PSMD5: variants seen among roughly 807,000 people sequenced by gnomAD.
PSMD5 encodes the protein proteasome 26S subunit, non-ATPase 5, also known as 26S proteasome non-ATPase regulatory subunit 5.
In PSMD5, 40 loss-of-function variants were observed where a neutral mutation model predicts 52.1. The ratio of observed to expected loss-of-function variants is 0.77; its 90% CI spans 0.60 to 1.00. PSMD5 has a LOEUF of 1.00. PSMD5 is among the 50% of genes least tolerant of loss of function. PSMD5 has a pLI of 0.00. For missense variants in PSMD5, 575 were observed against 605.2 expected (o/e 0.95, Z 0.52); for synonymous variants, 211 against 226.6 (o/e 0.93, Z 0.62).
At chr9:120,838,393 CTT>C (rs962777413) in intron 1 of PSMD5, among the ~76,000 whole-genome samples, 4 of 152,168 alleles carry the variant, frequency 2.6e-5, no homozygotes, top group Non-Finnish European at 5.9e-5. Flanking sequence ...TAAAATTAGT[CTT>C]GTTTGATTTT....
chr9:120,819,631 G>A (rs563861622), intron 9 of PSMD5, among the ~76,000 whole-genome samples: 248 of 152,266 alleles, frequency 1.6e-3, no homozygotes, highest in African/African-American at 5.8e-3. Flanking sequence ...TCAGGAGATC[G>A]AGACCATCCT....
chr9:120,819,621 T>A (rs1037728748), intron 9 of PSMD5, among the ~76,000 whole-genome samples: 2 of 152,120 alleles, frequency 1.3e-5, no homozygotes, highest in Admixed American at 1.3e-4. Context: ...GATCACAAGG[T>A]CAGGAGATCG....
intron 4 of PSMD5, among the ~76,000 whole-genome samples, chr9:120,830,900 T>TAC (rs1387017101): frequency 2.0e-5 from 3 of 151,662 alleles, no homozygotes; most frequent in Admixed American, 1.3e-4. Context: ...TATATATATA[T>TAC]ATAAAAAGGG....
intron 4 of PSMD5, among the ~76,000 whole-genome samples, chr9:120,831,076 G>T (rs1018951152): frequency 6.6e-6 from 1 of 152,104 alleles, no homozygotes; most frequent in Non-Finnish European, 1.5e-5. Flanking sequence ...TAGAGATGGG[G>T]TCTCACTATG....
intron 4 of PSMD5, among the ~76,000 whole-genome samples, chr9:120,830,112 G>A (rs566700993): frequency 6.6e-6 from 1 of 152,136 alleles, no homozygotes; most frequent in Non-Finnish European, 1.5e-5. Context: ...AAATGCAGGG[G>A]TTTAAATAAA....
chr9:120,842,468 T>C, intron 1 of PSMD5: 1 of 529,094 alleles, frequency 1.9e-6, no homozygotes, highest in South Asian at 2.3e-5. Flanking sequence ...CTTTCCTCCT[T>C]TAATTTCTAT....
Position 120,840,447 on chromosome 9 carries a change from T to C in PSMD5, c.173+2290A>G, listed in dbSNP as rs976849769. On this transcript the variant is annotated intron_variant, in intron 1 of 9. Coordinates refer to ENST00000210313, the MANE Select transcript of PSMD5 (RefSeq NM_005047.4). ...CAAAGTGTTTTTATTATTATTATTA[T>C]ATTATTATTATTATCTTGAGATGGA... Among the ~76,000 whole-genome samples the C allele has an allele frequency of 1.1e-4, 16 of 148,828 alleles. 1 individual carries two copies. The South Asian group carries it at 2.3e-3, about 22-fold the overall frequency.
At chr9:120,834,528 G>T (rs778145784) in intron 1 of PSMD5, among the ~76,000 whole-genome samples, 4 of 152,126 alleles carry the variant, frequency 2.6e-5, no homozygotes, top group South Asian at 2.1e-4. Flanking sequence ...AGGCAGAGAG[G>T]AATAAGACAT....
At chr9:120,821,027 G>T in intron 8 of PSMD5, 48 bp from the exon 9 acceptor site, 1 of 1,523,008 alleles carries the variant, frequency 6.6e-7, no homozygotes, top group Non-Finnish European at 8.8e-7. Flanking sequence ...CTGATCTGGA[G>T]AAAAGCACTT....
At chr9:120,837,084 T>C (rs1418615797) in intron 1 of PSMD5, among the ~76,000 whole-genome samples, 1 of 152,094 alleles carries the variant, frequency 6.6e-6, no homozygotes, top group Non-Finnish European at 1.5e-5. Context: ...AGAGATGGGG[T>C]TTCACTGTGT....
intron 4 of PSMD5, among the ~76,000 whole-genome samples, chr9:120,830,413 G>A (rs2045151776): frequency 6.6e-6 from 1 of 152,214 alleles, no homozygotes; most frequent in Non-Finnish European, 1.5e-5. Context: ...CATCATCACT[G>A]ATGGGAAGTG....
intron 2 of PSMD5, 27 bp downstream of exon 2, chr9:120,833,285 A>G: frequency 1.2e-6 from 2 of 1,610,486 alleles, no homozygotes; most frequent in Non-Finnish European, 8.5e-7. Context: ...CAGGTGGTCA[A>G]TGTCGGTTCC....
chr9:120,823,732 T>C (rs561949081), intron 7 of PSMD5, among the ~76,000 whole-genome samples: 1 of 151,942 alleles, frequency 6.6e-6, no homozygotes, highest in African/African-American at 2.4e-5. Context: ...AGCCTGGTCT[T>C]GAACTCCTGA....
intron 6 of PSMD5, among the ~76,000 whole-genome samples, chr9:120,826,410 T>G (rs999885910): frequency 1.3e-5 from 2 of 152,214 alleles, no homozygotes; most frequent in Non-Finnish European, 2.9e-5. Flanking sequence ...CTTTATTTGT[T>G]AAGAGTTTTT....
At chr9:120,836,213 C>A (rs1338098290) in intron 1 of PSMD5, among the ~76,000 whole-genome samples, 1 of 151,990 alleles carries the variant, frequency 6.6e-6, no homozygotes, top group Non-Finnish European at 1.5e-5. Flanking sequence ...ATGTATATAC[C>A]CCATTTTGTT....
chr9:120,833,052 C>T (rs575474365), intron 2 of PSMD5, among the ~76,000 whole-genome samples: 125 of 152,336 alleles, frequency 8.2e-4, no homozygotes, highest in Middle Eastern at 3.4e-3. Context: ...AAAAGGAACT[C>T]AGTCAGTATC....
At position 120,820,979 on chromosome 9, in the gene PSMD5, G is replaced by T; in HGVS notation, c.1117C>A (p.Pro373Thr). ...DAISSLLYLPPEQQTDDLLRM... is the reference protein window; with the variant it reads ...DAISSLLYLPTEQQTDDLLRM... ...AGAAGGTCATCAGTCTGCTGCTCAG[G>T]CTACAGGAAAGAAAAGGAAAATCTC... Residue 373 changes from proline (P) to threonine (T), a missense_variant and splice_region_variant, in exon 9 of 10, where the codon CCT (proline) becomes ACT (threonine). By Grantham distance (38) the Pro-to-Thr change is conservative (BLOSUM62 -1). Coordinates refer to ENST00000210313, the MANE Select transcript of PSMD5 (RefSeq NM_005047.4). 1 of 1,575,854 alleles carries T rather than the reference G, an allele frequency of 6.3e-7. No individual in the cohort carries two copies. Among genetic ancestry groups the T allele is most frequent in the Non-Finnish European group, 8.5e-7 (1 of 1,169,658 alleles).
intron 4 of PSMD5, 67 bp from the exon 5 acceptor site, chr9:120,829,275 AT>A (rs2045144521): frequency 1.4e-6 from 2 of 1,404,686 alleles, no homozygotes; most frequent in African/African-American, 2.9e-5. Flanking sequence ...GATAGATCTC[AT>A]TTTAAGTTAA....
chr9:120,832,557 C>G (rs2045169163), intron 2 of PSMD5, among the ~76,000 whole-genome samples: 1 of 152,092 alleles, frequency 6.6e-6, no homozygotes, highest in Non-Finnish European at 1.5e-5. Context: ...CCATCATGCC[C>G]AGCTAATTTC....
Sources: allele counts gnomAD v4.1 joint callset (sites outside exome capture counted in the v4.1 genomes callset), GRCh38; gene constraint gnomAD v4.1.1; transcripts MANE v1.5; gene names NCBI Gene and HGNC (gene_info 2026-07-23, HGNC 2026-07-21).